The following CDH11 variants were observed in gnomAD, a reference collection of about 807,000 sequenced individuals.
The protein encoded by CDH11 is cadherin-11.
A neutral mutation model predicts 67.8 loss-of-function variants in CDH11; 11 were observed. That is an observed-to-expected ratio of 0.16 (90% CI 0.10 to 0.27). The LOEUF (loss-of-function observed/expected upper bound fraction) is 0.27, where lower values mean the gene tolerates loss of function less well. Among genes scored for constraint, CDH11 ranks in the 10% least tolerant of loss-of-function variants. The probability of loss-of-function intolerance (pLI) is 1.00; values close to 1 mark genes in which losing one functional copy is unlikely to be tolerated. For missense variants in CDH11, 847 were observed against 1,031.2 expected, an observed-to-expected ratio of 0.82 and a Z score of 2.45; for synonymous variants, 419 against 400.0, an observed-to-expected ratio of 1.05 and a Z score of -0.57.
chr16:65,052,700 G>T, intron 2 of CDH11, among the ~76,000 whole-genome samples: 1 of 152,260 alleles, frequency 6.6e-6, no homozygotes, highest in South Asian at 2.1e-4. Context: ...CATTGTTCAG[G>T]ATATACATAG....
chr16:65,083,342 G>A (rs958637098), intron 1 of CDH11, among the ~76,000 whole-genome samples: 12 of 152,212 alleles, frequency 7.9e-5, no homozygotes, highest in East Asian at 1.9e-4. Flanking sequence ...AAAGAAGGAC[G>A]TGAGAGCACA....
At chr16:65,086,481 T>C (rs1298302710) in intron 1 of CDH11, among the ~76,000 whole-genome samples, 1 of 152,216 alleles carries the variant, frequency 6.6e-6, no homozygotes, top group Non-Finnish European at 1.5e-5. Context: ...CTCTGTTGTC[T>C]CTGTGATGTT....
upstream of CDH11, chr16:65,122,404 T>C (rs952599659): frequency 2.1e-5 from 4 of 186,730 alleles, no homozygotes; most frequent in African/African-American, 7.2e-5. Flanking sequence ...GCACAGCCAA[T>C]CAGGGAGGGC....
intron 1 of CDH11, among the ~76,000 whole-genome samples, chr16:65,057,978 T>C (rs1035989100): frequency 6.6e-6 from 1 of 152,182 alleles, no homozygotes. Flanking sequence ...CTCATGCCTG[T>C]AATCCCAGCA....
chr16:65,026,203 G>A (rs190679556), intron 2 of CDH11, among the ~76,000 whole-genome samples: 1 of 152,248 alleles, frequency 6.6e-6, no homozygotes, highest in East Asian at 1.9e-4. Context: ...TTAATTGAGT[G>A]TCTACTATCT....
At chr16:64,985,062 A>G (rs1316052200) in intron 7 of CDH11, 2 of 152,156 alleles carry the variant, frequency 1.3e-5, no homozygotes, top group Non-Finnish European at 2.9e-5. Flanking sequence ...ATTCCCATTT[A>G]GTCAAAGGTG....
At chr16:65,040,376 T>TA (rs1315969247) in intron 2 of CDH11, among the ~76,000 whole-genome samples, 1 of 152,140 alleles carries the variant, frequency 6.6e-6, no homozygotes, top group African/African-American at 2.4e-5. Flanking sequence ...TATGCAGCCA[T>TA]AAAAAATGAT....
At chr16:65,104,354 G>A (rs2075036958) in intron 1 of CDH11, among the ~76,000 whole-genome samples, 1 of 152,148 alleles carries the variant, frequency 6.6e-6, no homozygotes, top group South Asian at 2.1e-4. Flanking sequence ...ATTCCACATT[G>A]TCCCTCACTA....
chr16:65,038,173 C>A (rs1430199790), intron 2 of CDH11, among the ~76,000 whole-genome samples: 1 of 152,028 alleles, frequency 6.6e-6, no homozygotes, highest in Admixed American at 6.6e-5. Flanking sequence ...TGCAGTCACA[C>A]AGTGGGGACT....
chr16:65,074,771 G>C (rs1401932897), intron 1 of CDH11, among the ~76,000 whole-genome samples: 2 of 152,160 alleles, frequency 1.3e-5, no homozygotes, highest in African/African-American at 2.4e-5. Flanking sequence ...GAAAGAGTTT[G>C]AGTAGTGATA....
At chr16:65,065,345 CAT>C (rs954127101) in intron 1 of CDH11, among the ~76,000 whole-genome samples, 15 of 152,136 alleles carry the variant, frequency 9.9e-5, no homozygotes, top group Admixed American at 8.5e-4. Flanking sequence ...AGTACAAACA[CAT>C]ATAAGACTAT....
At chr16:65,106,569 T>G (rs1402018) in intron 1 of CDH11, among the ~76,000 whole-genome samples, 19,598 of 152,188 alleles carry the variant, frequency 0.13, 1,392 homozygotes, top group East Asian at 0.22. Flanking sequence ...TGGGACTCCC[T>G]TTTTGACATG....
In CDH11 at chr16:64,950,664, T is replaced by C. The variant is rs1007057130; in HGVS notation, c.1894+103A>G. 5 of 1,044,312 alleles carry C rather than the reference T, an allele frequency of 4.8e-6. No individual in the cohort carries two copies. The South Asian group carries it at 7.3e-5, about 15-fold the overall frequency. The allele number at this position is 1,044,312 out of a possible 1,614,324, so 64.7% of individuals were successfully genotyped here. On this transcript the variant is annotated intron_variant, in intron 12 of 12. Transcript: ENST00000268603. ...TTTTCTTGAACTGTGTCGACAGTCA[T>C]AACAGGGTCCTGGTTACCAGCCTGT...
At chr16:65,052,947 C>T (rs1026950951) in intron 2 of CDH11, among the ~76,000 whole-genome samples, 1 of 152,078 alleles carries the variant, frequency 6.6e-6, no homozygotes, top group Non-Finnish European at 1.5e-5. Context: ...AGTATTCCGT[C>T]CATGTTTCTA....
At chr16:65,054,489 C>A (rs1520233) in intron 1 of CDH11, among the ~76,000 whole-genome samples, 45,714 of 152,000 alleles carry the variant, frequency 0.3, 8,031 homozygotes, top group South Asian at 0.52. Context: ...GATTGCATTT[C>A]CCCTACCCAC....
At chr16:65,092,348 T>C (rs934215402) in intron 1 of CDH11, among the ~76,000 whole-genome samples, 7 of 152,188 alleles carry the variant, frequency 4.6e-5, no homozygotes, top group Non-Finnish European at 1.0e-4. Flanking sequence ...CCAATGTTCC[T>C]TCCACAGCTT....
intron 1 of CDH11, among the ~76,000 whole-genome samples, chr16:65,120,595 C>CA (rs2075309801): frequency 6.6e-6 from 1 of 152,168 alleles, no homozygotes. Flanking sequence ...AACAACCCCC[C>CA]ACTCCCATCC....
intron 2 of CDH11, among the ~76,000 whole-genome samples, chr16:65,010,573 G>A (rs1217203452): frequency 6.6e-6 from 1 of 152,088 alleles, no homozygotes; most frequent in Non-Finnish European, 1.5e-5. Context: ...CTGCAAAAAG[G>A]TTATGGTATA....
At chr16:64,991,655 C>G in intron 6 of CDH11, 113 bp downstream of exon 6, 1 of 638,258 alleles carries the variant, frequency 1.6e-6, no homozygotes, top group African/African-American at 1.8e-5. Flanking sequence ...ATGAATTGCC[C>G]TTAGTTTTCT....
Sources: gnomAD v4.1 joint callset for allele counts (sites outside exome capture counted in the v4.1 genomes callset) on GRCh38, gnomAD v4.1.1 for gene constraint, MANE v1.5 for transcripts, NCBI Gene and HGNC (gene_info 2026-07-23, HGNC 2026-07-21) for gene names.